The following EPC2 variants were observed in gnomAD, a reference collection of about 807,000 sequenced individuals.
The protein encoded by EPC2 is enhancer of polycomb 2.
A neutral mutation model predicts 92.1 loss-of-function variants in EPC2; 14 were observed. That is an observed-to-expected ratio of 0.15 (90% confidence interval 0.10 to 0.24). The LOEUF (loss-of-function observed/expected upper bound fraction) is 0.24, where lower values mean the gene tolerates loss of function less well. Among genes scored for constraint, EPC2 ranks in the 10% least tolerant of loss-of-function variants. The pLI is 1.00. For missense variants in EPC2, 755 were observed against 971.5 expected (o/e 0.78, Z 2.96); for synonymous variants, 340 against 334.7 (o/e 1.02, Z -0.17).
intron 2 of EPC2, among the ~76,000 whole-genome samples, chr2:148,710,172 T>C (rs367910399): frequency 6.6e-5 from 10 of 150,992 alleles, no homozygotes; most frequent in Admixed American, 2.0e-4. Context: ...AACAACACCA[T>C]CAAAAAGTGG....
intron 2 of EPC2, among the ~76,000 whole-genome samples, chr2:148,719,949 C>G (rs1682335072): frequency 6.6e-6 from 1 of 152,210 alleles, no homozygotes; most frequent in South Asian, 2.1e-4. Context: ...GAGGCTCTGG[C>G]TGGGAGGACC....
intron 2 of EPC2, among the ~76,000 whole-genome samples, chr2:148,698,377 C>T (rs911750345): frequency 6.6e-6 from 1 of 152,072 alleles, no homozygotes; most frequent in Admixed American, 6.6e-5. Context: ...GTGGCTCGTG[C>T]CTGTAATCCC....
chr2:148,786,291 C>T lies in EPC2; in HGVS notation c.2352-14C>T, dbSNP rs756600807. The T allele has an allele frequency of 5.0e-6, 8 of 1,601,934 alleles. No homozygotes were observed. Among genetic ancestry groups the T allele is most frequent in the Non-Finnish European group, 6.8e-6 (8 of 1,171,260 alleles). On this transcript the variant is annotated splice_polypyrimidine_tract_variant and intron_variant, in intron 13 of 13. Transcript: ENST00000258484. ...GTATTGATATTTATTTTATCCTTTG[C>T]CTTATTACCATAGAGAGAACCACGA...
rs1185466199 is a variant in EPC2, at chr2:148,786,875, T to G, written c.*498T>G. On this transcript the variant is annotated 3_prime_UTR_variant, in exon 14 of 14. Coordinates refer to ENST00000258484, the MANE Select transcript of EPC2 (RefSeq NM_015630.4). The stretch of plus-strand genomic sequence containing the variant: ...TCACTTGGTTCATTTTGTTTCACAA[T>G]TTGACTAGATGGACTTTTTGGTAAA... 1 of 153,198 alleles carries G rather than the reference T, an allele frequency of 6.5e-6. No homozygotes were observed. The highest frequency in any genetic ancestry group is 6.5e-5 in the Admixed American group (1 of 15,342). The allele number at this position is 153,198 out of a possible 1,614,324, so 9.5% of individuals were successfully genotyped here.
In EPC2 at chr2:148,776,854, CTCTTTTT is replaced by C. The variant is rs1469753890; in HGVS notation, c.1721-4788_1721-4782del. Reference sequence around the variant, plus strand: ...CAACATAGCAAGACCCTGTCTCTCTCTCTTTTTTTTTTTTTTTTTTTTTTGAGACAGA... The same window carrying C: ...CAACATAGCAAGACCCTGTCTCTCTCTTTTTTTTTTTTTTTTTGAGACAGA... On this transcript the variant is annotated intron_variant, in intron 10 of 13. Coordinates refer to ENST00000258484, the MANE Select transcript of EPC2 (RefSeq NM_015630.4). Among the ~76,000 whole-genome samples the C allele has an allele frequency of 4.4e-5, 4 of 90,078 alleles. No homozygotes were observed. The East Asian group carries it at 2.0e-3, about 44-fold the overall frequency. 59.1% of individuals were successfully genotyped at this position (90,078 alleles called of 152,430 possible).
Position 148,644,851 on chromosome 2 carries a change from C to T in EPC2, c.-167C>T. On this transcript the variant is annotated 5_prime_UTR_variant, in exon 1 of 14. Coordinates refer to ENST00000258484, the MANE Select transcript of EPC2 (RefSeq NM_015630.4). Reference sequence around the variant, plus strand: ...GGCCGCGGGCGCGGGGGGCTGTTTTCGGGCGGGGTGGGCGCCCATGCTGTG... The same window carrying T: ...GGCCGCGGGCGCGGGGGGCTGTTTTTGGGCGGGGTGGGCGCCCATGCTGTG... 1.9e-6 allele frequency: 1 copy of T among 531,774 alleles called. No individual in the cohort carries two copies. The highest frequency in any genetic ancestry group is 3.1e-6 in the Non-Finnish European group (1 of 318,612). The allele number at this position is 531,774 out of a possible 1,614,324, so 32.9% of individuals were successfully genotyped here. A position where few individuals can be genotyped will look rare whatever the true frequency, so the allele number is the denominator to read the frequency against.
In EPC2 at chr2:148,769,165, A is replaced by G. The variant is rs1033042960; in HGVS notation, c.1155A>G (p.Val385=). ...CTTTTGTCTAGGTATTGTCCCCAGT[A>G]TCAGAACCGGAAGAAGAAAATGATC... is the stretch of plus-strand genomic sequence containing the variant. ...EDEFPQVLSP[V]SEPEEENDPD... The change falls in exon 8 of 14, where the codon GTA becomes GTG. Residue 385 remains valine, a synonymous_variant. Transcript: ENST00000258484. The G allele has an allele frequency of 6.2e-6, 10 of 1,612,446 alleles. No homozygotes were observed. Among genetic ancestry groups the G allele is most frequent in the Non-Finnish European group, 8.5e-6 (10 of 1,179,176 alleles).
chr2:148,738,192 GT>G, intron 2 of EPC2, among the ~76,000 whole-genome samples: 1 of 152,302 alleles, frequency 6.6e-6, no homozygotes. Context: ...ATAAGTATGT[GT>G]TCATTTTGCT....
intron 1 of EPC2, among the ~76,000 whole-genome samples, chr2:148,686,733 C>T (rs1330704275): frequency 2.0e-5 from 3 of 152,158 alleles, no homozygotes; most frequent in African/African-American, 4.8e-5. Flanking sequence ...TCTTGGGTGA[C>T]CATATGCATT....
In EPC2 at chr2:148,759,335, C is replaced by T. The variant is rs562001442; in HGVS notation, c.667-2447C>T. Among the ~76,000 whole-genome samples, 13 of 152,168 alleles carry T rather than the reference C, an allele frequency of 8.5e-5. No homozygotes were observed. The East Asian group carries it at 1.4e-3, about 16-fold the overall frequency. ...CTCGAATTCCTGACCCCAGGTGATC[C>T]GACCGCCTTGGCCTCCCAAAGTGCT... On this transcript the variant is annotated intron_variant, in intron 4 of 13. Transcript: ENST00000258484.
rs1558839402 is a variant in EPC2 at position 148,781,790 on chromosome 2, T to G, written c.1857+10T>G. ...ACATCCAAAAGCACAGGTAAACTGC[T>G]CTTTTCGTCATAGTTACGTTTGTTT... On this transcript the variant is annotated intron_variant, in intron 11 of 13. Coordinates refer to ENST00000258484, the MANE Select transcript of EPC2 (RefSeq NM_015630.4). 1 of 1,613,140 alleles carries G rather than the reference T, an allele frequency of 6.2e-7. No homozygotes were observed. Among genetic ancestry groups the G allele is most frequent in the Non-Finnish European group, 8.5e-7 (1 of 1,179,574 alleles).
chr2:148,712,923 A>G (rs1266799154), intron 2 of EPC2, among the ~76,000 whole-genome samples: 3 of 150,800 alleles, frequency 2.0e-5, no homozygotes, highest in Admixed American at 1.3e-4. Context: ...GCCAGGTGCC[A>G]TGGTGGCTCA....
rs141463408 is a variant in EPC2, at chr2:148,700,464, G to A, written c.313+10091G>A. ...ATGGGATGTCACCGTTCTAGCACTC[G>A]TTGTTGGAAAGACTCCCCCCCTCCC... is the stretch of plus-strand genomic sequence containing the variant. On this transcript the variant is annotated intron_variant, in intron 2 of 13. Coordinates refer to ENST00000258484, the MANE Select transcript of EPC2 (RefSeq NM_015630.4). Among the ~76,000 whole-genome samples the A allele has an allele frequency of 6.7e-3, 1,019 of 151,458 alleles. 6 individuals carry two copies. Among genetic ancestry groups the A allele is most frequent in the African/African-American group, 0.023 (957 of 41,188 alleles).
intron 10 of EPC2, among the ~76,000 whole-genome samples, chr2:148,772,679 A>G (rs984513574): frequency 6.6e-6 from 1 of 152,208 alleles, no homozygotes. Context: ...AGTAAGGAAA[A>G]TGGCCTCCCA....
intron 1 of EPC2, among the ~76,000 whole-genome samples, chr2:148,646,214 G>C (rs1683797907): frequency 6.6e-6 from 1 of 152,178 alleles, no homozygotes; most frequent in Non-Finnish European, 1.5e-5. Flanking sequence ...TTCAGTGACT[G>C]TCAAAAGGAA....
chr2:148,666,367 C>G (rs1346130915), intron 1 of EPC2, among the ~76,000 whole-genome samples: 1 of 152,150 alleles, frequency 6.6e-6, no homozygotes, highest in Non-Finnish European at 1.5e-5. Context: ...TGGTTTTGAA[C>G]TCTGGAGTTC....
intron 1 of EPC2, among the ~76,000 whole-genome samples, chr2:148,686,649 A>G (rs1681532337): frequency 6.6e-6 from 1 of 152,244 alleles, no homozygotes. Flanking sequence ...CTTTTAATCC[A>G]TGGACTGCAG....
At chr2:148,728,976 G>A (rs1682560436) in intron 2 of EPC2, among the ~76,000 whole-genome samples, 2 of 135,092 alleles carry the variant, frequency 1.5e-5, no homozygotes, top group Non-Finnish European at 3.1e-5. Context: ...AGTTTGCAGT[G>A]AGGCAAGATC....
At chr2:148,647,705 T>C (rs1490443900) in intron 1 of EPC2, among the ~76,000 whole-genome samples, 2 of 138,840 alleles carry the variant, frequency 1.4e-5, no homozygotes, top group Non-Finnish European at 3.0e-5. Context: ...CGATCTCAGC[T>C]CACTGCAACC....
Sources: gnomAD v4.1 joint callset for allele counts (sites outside exome capture counted in the v4.1 genomes callset) on GRCh38, gnomAD v4.1.1 for gene constraint, MANE v1.5 for transcripts, NCBI Gene and HGNC (gene_info 2026-07-23, HGNC 2026-07-21) for gene names.